CPNE4: variants seen among roughly 807,000 people sequenced by gnomAD.
CPNE4 encodes the protein copine 4.
CPNE4 carries 25 observed loss-of-function variants against 67.9 expected under a neutral mutation model. The observed-to-expected ratio is 0.37, with a 90% CI of 0.27 to 0.51. The LOEUF (loss-of-function observed/expected upper bound fraction) is 0.51. Among genes scored for constraint, CPNE4 ranks in the 20% least tolerant of loss-of-function variants. The pLI is 0.93. For missense variants in CPNE4, 464 were observed against 690.8 expected (o/e 0.67, Z 3.68); for synonymous variants, 242 against 244.9 (o/e 0.99, Z 0.11).
At chr3:132,013,121 G>T (rs1220657707) in intron 1 of CPNE4, among the ~76,000 whole-genome samples, 10 of 152,168 alleles carry the variant, frequency 6.6e-5, no homozygotes, top group Admixed American at 6.5e-4. Context: ...TACTCAGGAG[G>T]CTGAGGCAGG....
chr3:131,873,795 A>T (rs1165507754), intron 2 of CPNE4, among the ~76,000 whole-genome samples: 2 of 152,210 alleles, frequency 1.3e-5, no homozygotes, highest in Non-Finnish European at 2.9e-5. Context: ...ACAGCGGGAA[A>T]GTGGTAGTAC....
intron 3 of CPNE4, among the ~76,000 whole-genome samples, chr3:131,717,912 T>TTC (rs1376113429): frequency 2.0e-5 from 3 of 146,692 alleles, no homozygotes; most frequent in African/African-American, 7.6e-5. Context: ...CTTTCTTTCT[T>TTC]TCTTTCTTTC....
intron 1 of CPNE4, among the ~76,000 whole-genome samples, chr3:131,939,310 G>T (rs763110591): frequency 9.9e-5 from 15 of 151,948 alleles, no homozygotes; most frequent in Non-Finnish European, 2.1e-4. Context: ...AGTTTGTGTT[G>T]CAATGAAGTG....
chr3:131,901,904 C>T (rs2088569417), intron 2 of CPNE4, among the ~76,000 whole-genome samples: 2 of 152,078 alleles, frequency 1.3e-5, no homozygotes, highest in African/African-American at 4.8e-5. Context: ...AGTGTGCTCT[C>T]AGGAGACTAT....
intron 3 of CPNE4, among the ~76,000 whole-genome samples, chr3:131,702,202 G>A (rs1018322378): frequency 2.6e-5 from 4 of 152,144 alleles, no homozygotes; most frequent in African/African-American, 9.7e-5. Flanking sequence ...TGTTTGTGAT[G>A]ATGATGACAA....
intron 5 of CPNE4, among the ~76,000 whole-genome samples, chr3:131,689,786 G>A (rs115781505): frequency 0.022 from 3,325 of 152,208 alleles, 118 homozygotes; most frequent in African/African-American, 0.074. Flanking sequence ...TCTCTTTGCC[G>A]TTGATATAAT....
chr3:131,661,183 G>A (rs1380554861), intron 7 of CPNE4, among the ~76,000 whole-genome samples: 9 of 152,136 alleles, frequency 5.9e-5, no homozygotes, highest in Admixed American at 4.6e-4. Context: ...TAATCAAAGT[G>A]CCCATCACAA....
At chr3:132,020,055 A>C (rs1340586048) in intron 1 of CPNE4, among the ~76,000 whole-genome samples, 6 of 152,218 alleles carry the variant, frequency 3.9e-5, no homozygotes, top group African/African-American at 1.2e-4. Flanking sequence ...CACAAATTGC[A>C]TCATGCCAGT....
At chr3:131,536,297 GA>G (rs1287531928) in intron 15 of CPNE4, among the ~76,000 whole-genome samples, 2 of 152,220 alleles carry the variant, frequency 1.3e-5, no homozygotes, top group African/African-American at 4.8e-5. Flanking sequence ...CTGTAGCAGA[GA>G]AAGGTTGAAG....
chr3:131,596,482 C>T (rs1938864909), intron 7 of CPNE4, among the ~76,000 whole-genome samples: 1 of 136,348 alleles, frequency 7.3e-6, no homozygotes, highest in South Asian at 2.5e-4. Flanking sequence ...ATTAGCCGGG[C>T]GTAGTGGCGG....
At chr3:131,819,027 G>C (rs1190110608) in intron 2 of CPNE4, among the ~76,000 whole-genome samples, 1 of 152,178 alleles carries the variant, frequency 6.6e-6, no homozygotes, top group African/African-American at 2.4e-5. Flanking sequence ...TTGAACCCAG[G>C]AGATGGAGGT....
At chr3:131,734,301 T>C (rs948503647) in intron 2 of CPNE4, among the ~76,000 whole-genome samples, 2 of 152,158 alleles carry the variant, frequency 1.3e-5, no homozygotes, top group African/African-American at 4.8e-5. Flanking sequence ...GGATTGTAGA[T>C]GTATGTTCTT....
chr3:131,707,327 C>T (rs1286649659), intron 3 of CPNE4, among the ~76,000 whole-genome samples: 4 of 151,818 alleles, frequency 2.6e-5, no homozygotes, highest in Non-Finnish European at 4.4e-5. Context: ...GGCTGCCTCA[C>T]TCTACCTCCT....
At chr3:131,887,001 G>A (rs1026015668) in intron 2 of CPNE4, among the ~76,000 whole-genome samples, 2 of 152,338 alleles carry the variant, frequency 1.3e-5, no homozygotes, top group South Asian at 2.1e-4. Flanking sequence ...GGGAAGGCAG[G>A]ATTGGTTTTG....
At chr3:131,871,400 T>C (rs912850709) in intron 2 of CPNE4, among the ~76,000 whole-genome samples, 1 of 152,146 alleles carries the variant, frequency 6.6e-6, no homozygotes, top group African/African-American at 2.4e-5. Context: ...AGAATAGGGC[T>C]GTCTTATCAG....
chr3:132,036,481 G>A (rs1172751379), upstream of CPNE4, among the ~76,000 whole-genome samples: 3 of 152,210 alleles, frequency 2.0e-5, no homozygotes, highest in Non-Finnish European at 4.4e-5. Flanking sequence ...CAGGAAAGGG[G>A]AGACGGATGC....
chr3:131,829,108 G>A (rs12634574), intron 2 of CPNE4, among the ~76,000 whole-genome samples: 12,480 of 152,126 alleles, frequency 0.082, 728 homozygotes, highest in East Asian at 0.18. Flanking sequence ...GGAAACTCCT[G>A]TTTTTAAAAC....
chr3:131,807,773 A>T (rs1011589956), intron 2 of CPNE4, among the ~76,000 whole-genome samples: 2 of 152,158 alleles, frequency 1.3e-5, no homozygotes, highest in African/African-American at 4.8e-5. Flanking sequence ...TATATTTTTT[A>T]AAATGAACAT....
intron 2 of CPNE4, among the ~76,000 whole-genome samples, chr3:131,790,378 C>T (rs1261095789): frequency 6.6e-6 from 1 of 152,050 alleles, no homozygotes. Context: ...AGGGGTGCTT[C>T]TTTGTTCTGC....
Sources: gnomAD v4.1 joint callset for allele counts (sites outside exome capture counted in the v4.1 genomes callset) on GRCh38, gnomAD v4.1.1 for gene constraint, MANE v1.5 for transcripts, NCBI Gene and HGNC (gene_info 2026-07-23, HGNC 2026-07-21) for gene names.